The following THOC7 variants were observed in gnomAD, a reference collection of about 807,000 sequenced individuals.
THOC7 encodes NIF3L1-binding protein 1.
In THOC7, 22 loss-of-function variants were observed where a neutral mutation model predicts 33.1. That is an observed-to-expected ratio of 0.66 (90% CI 0.47 to 0.95). The LOEUF is 0.95. THOC7 is among the 40% of genes least tolerant of loss of function. The pLI is 0.00. For missense variants in THOC7, 184 were observed against 245.3 expected (o/e 0.75, Z 1.67); for synonymous variants, 77 against 76.8 (o/e 1.00, Z -0.01).
At chr3:63,848,725 G>C (rs1701957954) in intron 1 of THOC7, 1 of 152,168 alleles carries the variant, frequency 6.6e-6, no homozygotes, top group African/African-American at 2.4e-5. Flanking sequence ...TTAATTACAT[G>C]AGACTGATTG....
chr3:63,846,072 T>G (rs760673893), intron 1 of THOC7: 3 of 289,046 alleles, frequency 1.0e-5, no homozygotes, highest in Non-Finnish European at 2.1e-5. Context: ...AAAGAGCTAA[T>G]GAAAAGCTGG....
chr3:63,853,367 C>T (rs1028636294), intron 1 of THOC7, among the ~76,000 whole-genome samples: 11 of 152,120 alleles, frequency 7.2e-5, no homozygotes, highest in African/African-American at 2.7e-4. Flanking sequence ...TTAGTCTAAG[C>T]ACACCTCACA....
intron 1 of THOC7, among the ~76,000 whole-genome samples, chr3:63,849,368 A>T (rs1701974131): frequency 6.6e-6 from 1 of 152,202 alleles, no homozygotes; most frequent in Non-Finnish European, 1.5e-5. Context: ...AGCCTGGGTG[A>T]CAGAGTAAGA....
At chr3:63,856,452 C>T (rs1702116871) in intron 1 of THOC7, among the ~76,000 whole-genome samples, 1 of 152,148 alleles carries the variant, frequency 6.6e-6, no homozygotes, top group Non-Finnish European at 1.5e-5. Flanking sequence ...GATATCCTAT[C>T]TACCCTGCTG....
chr3:63,839,020 A>T (rs1559603158), intron 2 of THOC7, among the ~76,000 whole-genome samples: 1 of 152,122 alleles, frequency 6.6e-6, no homozygotes, highest in Non-Finnish European at 1.5e-5. Context: ...GTGAAACCCC[A>T]TCTCTACTAA....
intron 1 of THOC7, among the ~76,000 whole-genome samples, chr3:63,855,775 T>C (rs1702104365): frequency 6.6e-6 from 1 of 152,190 alleles, no homozygotes; most frequent in Non-Finnish European, 1.5e-5. Flanking sequence ...GGCTGCAATC[T>C]CACCTGCCTT....
intron 3 of THOC7, 35 bp from the exon 4 acceptor site, chr3:63,838,097 C>T: frequency 6.6e-7 from 1 of 1,520,170 alleles, no homozygotes; most frequent in South Asian, 1.2e-5. Flanking sequence ...ATAGTTGTAA[C>T]AAAATCAATA....
At chr3:63,836,458 A>G in intron 4 of THOC7, 100 bp from the exon 5 acceptor site, 1 of 1,070,898 alleles carries the variant, frequency 9.3e-7, no homozygotes. Flanking sequence ...TCACTTTCCT[A>G]GTACATCAAG....
chr3:63,859,533 T>A (rs77305421), intron 1 of THOC7, among the ~76,000 whole-genome samples: 1 of 152,260 alleles, frequency 6.6e-6, no homozygotes, highest in Admixed American at 6.5e-5. Flanking sequence ...GGGCTCTTCA[T>A]GTGGTTGAAC....
At chr3:63,862,076 C>T (rs1489721894) in intron 1 of THOC7, among the ~76,000 whole-genome samples, 1 of 152,162 alleles carries the variant, frequency 6.6e-6, no homozygotes, top group East Asian at 1.9e-4. Context: ...CAGGCGTGAG[C>T]CACTGTGCCC....
chr3:63,857,784 A>G (rs1245122109), intron 1 of THOC7, among the ~76,000 whole-genome samples: 1 of 152,238 alleles, frequency 6.6e-6, no homozygotes, highest in Non-Finnish European at 1.5e-5. Context: ...TTAAAATTTT[A>G]AAAGGAAAAT....
intron 1 of THOC7, among the ~76,000 whole-genome samples, chr3:63,857,824 G>A (rs1702141854): frequency 6.6e-6 from 1 of 152,150 alleles, no homozygotes; most frequent in Admixed American, 6.5e-5. Flanking sequence ...GAGGTCCTTT[G>A]TCTTTTCTCT....
At chr3:63,856,025 A>G (rs532256180) in intron 1 of THOC7, among the ~76,000 whole-genome samples, 1 of 152,370 alleles carries the variant, frequency 6.6e-6, no homozygotes, top group Admixed American at 6.5e-5. Flanking sequence ...GTACGCGAAT[A>G]TATCTATGCA....
intron 1 of THOC7, among the ~76,000 whole-genome samples, chr3:63,842,157 C>A (rs776280329): frequency 4.6e-5 from 7 of 152,034 alleles, no homozygotes; most frequent in Non-Finnish European, 8.8e-5. Context: ...ATTGAAATGA[C>A]CTGAATAGAC....
rs1447231738 is a variant in THOC7, at chr3:63,835,498, C to T, written c.411-108G>A. ...TAGGATTTTTAAAATAAAAAAAGGGCTTATAAGGAGTTATAACACTCCATT... is the reference window on the plus strand; with the variant it reads ...TAGGATTTTTAAAATAAAAAAAGGGTTTATAAGGAGTTATAACACTCCATT... On this transcript the variant is annotated intron_variant, in intron 5 of 7. Transcript: ENST00000295899. The T allele has an allele frequency of 3.1e-6, 3 of 977,742 alleles. No individual in the cohort carries two copies. In the African/African-American group the frequency reaches 4.9e-5, roughly 16 times the overall value. 60.6% of individuals were successfully genotyped at this position (977,742 alleles called of 1,614,324 possible). A position where few individuals can be genotyped will look rare whatever the true frequency, so the allele number is the denominator to read the frequency against.
chr3:63,838,305 T>C, intron 3 of THOC7, 67 bp downstream of exon 3: 1 of 1,131,912 alleles, frequency 8.8e-7, no homozygotes, highest in Non-Finnish European at 1.2e-6. Flanking sequence ...AGAAAATTGT[T>C]AGCAGGTATT....
At chr3:63,834,436 G>C (rs919882992) in intron 7 of THOC7, among the ~76,000 whole-genome samples, 9 of 151,810 alleles carry the variant, frequency 5.9e-5, no homozygotes, top group Admixed American at 2.0e-4. Flanking sequence ...AAGGCAGGTG[G>C]ATCACCTGAG....
chr3:63,845,733 C>T (rs1374738038), intron 1 of THOC7, among the ~76,000 whole-genome samples: 2 of 152,148 alleles, frequency 1.3e-5, no homozygotes, highest in Non-Finnish European at 2.9e-5. Flanking sequence ...GCCATTTTGG[C>T]TTTGGAAGAC....
intron 1 of THOC7, among the ~76,000 whole-genome samples, chr3:63,862,086 C>A (rs751108267): frequency 6.6e-6 from 1 of 152,020 alleles, no homozygotes; most frequent in East Asian, 1.9e-4. Flanking sequence ...CCACTGTGCC[C>A]GGCATGTGTG....
Sources: gnomAD v4.1 joint callset for allele counts (sites outside exome capture counted in the v4.1 genomes callset) on GRCh38, gnomAD v4.1.1 for gene constraint, MANE v1.5 for transcripts, NCBI Gene and HGNC (gene_info 2026-07-23, HGNC 2026-07-21) for gene names.